Variants in NOX4 observed in about 807,000 individuals in gnomAD.
NOX4 encodes kidney oxidase-1.
In NOX4, 69 loss-of-function variants were observed where a neutral mutation model predicts 87.6. That is an observed-to-expected ratio of 0.79 (90% CI 0.65 to 0.96). NOX4 has a LOEUF of 0.96. Among genes scored for constraint, NOX4 ranks in the 40% least tolerant of loss-of-function variants. The pLI, the probability that NOX4 is intolerant of heterozygous loss-of-function variation, is 0.00. For missense variants in NOX4, 680 were observed against 681.5 expected, an observed-to-expected ratio of 1.00 and a Z score of 0.02; for synonymous variants, 275 against 238.2, an observed-to-expected ratio of 1.15 and a Z score of -1.42.
At chr11:89,359,399 G>A (rs111581384) in intron 12 of NOX4, among the ~76,000 whole-genome samples, 1 of 59,136 alleles carries the variant, frequency 1.7e-5, no homozygotes, top group Non-Finnish European at 3.4e-5. Flanking sequence ...TTTTTTTTTT[G>A]AGATGGAGTC....
At chr11:89,354,617 C>G (rs113556550) in intron 13 of NOX4, among the ~76,000 whole-genome samples, 1 of 152,046 alleles carries the variant, frequency 6.6e-6, no homozygotes, top group Admixed American at 6.6e-5. Context: ...ATTTAAAGGA[C>G]AGTAAATAGA....
intron 2 of NOX4, among the ~76,000 whole-genome samples, chr11:89,462,187 C>G (rs1047364245): frequency 6.6e-6 from 1 of 151,842 alleles, no homozygotes. Flanking sequence ...AACCACAAGA[C>G]ACATGTAAAA....
chr11:89,460,381 G>A (rs147481352), intron 2 of NOX4, among the ~76,000 whole-genome samples: 85 of 151,996 alleles, frequency 5.6e-4, no homozygotes, highest in East Asian at 4.3e-3. Flanking sequence ...GGCAACCTAC[G>A]GAATGGGAGA....
intron 2 of NOX4, among the ~76,000 whole-genome samples, chr11:89,471,619 T>G (rs1272413628): frequency 6.6e-6 from 1 of 152,192 alleles, no homozygotes; most frequent in Non-Finnish European, 1.5e-5. Flanking sequence ...AATAAAAATT[T>G]TGAATATAGT....
intron 11 of NOX4, among the ~76,000 whole-genome samples, chr11:89,380,714 A>G (rs1330091047): frequency 2.6e-5 from 4 of 152,162 alleles, no homozygotes; most frequent in African/African-American, 4.8e-5. Flanking sequence ...AAGCCAAACT[A>G]GAGCAGTTAG....
intron 14 of NOX4, among the ~76,000 whole-genome samples, chr11:89,341,168 A>T (rs1323153082): frequency 7.3e-6 from 1 of 136,890 alleles, no homozygotes; most frequent in African/African-American, 2.8e-5. Context: ...TGTCACCGAG[A>T]CTGGAGTGCA....
At chr11:89,367,007 T>C (rs1334913140) in intron 12 of NOX4, among the ~76,000 whole-genome samples, 2 of 152,234 alleles carry the variant, frequency 1.3e-5, no homozygotes, top group Middle Eastern at 3.4e-3. Context: ...CTCATTTTCC[T>C]GATAAAAAAA....
At chr11:89,421,505 T>C (rs1943082704) in intron 8 of NOX4, among the ~76,000 whole-genome samples, 1 of 152,140 alleles carries the variant, frequency 6.6e-6, no homozygotes, top group Non-Finnish European at 1.5e-5. Flanking sequence ...ACTTTTAAAA[T>C]GAAAAACTGG....
intron 12 of NOX4, among the ~76,000 whole-genome samples, chr11:89,372,943 CAAGTA>C (rs1939554576): frequency 6.6e-6 from 1 of 151,824 alleles, no homozygotes; most frequent in African/African-American, 2.4e-5. Context: ...TTACTGAAGA[CAAGTA>C]AAGTATCACC....
intron 13 of NOX4, among the ~76,000 whole-genome samples, chr11:89,349,006 G>C (rs543684789): frequency 3.9e-5 from 6 of 152,032 alleles, no homozygotes; most frequent in African/African-American, 1.4e-4. Flanking sequence ...AAAATAACTT[G>C]GGCCAGGTAC....
intron 6 of NOX4, among the ~76,000 whole-genome samples, chr11:89,438,789 A>C (rs1944254417): frequency 1.9e-5 from 1 of 52,140 alleles, no homozygotes; most frequent in African/African-American, 1.0e-4. Context: ...AATAATATAT[A>C]GTGTATAATA....
intron 2 of NOX4, among the ~76,000 whole-genome samples, chr11:89,459,455 A>G (rs191901796): frequency 2.0e-5 from 3 of 146,728 alleles, no homozygotes; most frequent in Non-Finnish European, 4.4e-5. Context: ...ATAAAACTTT[A>G]AAAAAAACTC....
At chr11:89,568,256 ATGAAAT>A in the NOX4 span, among the ~76,000 whole-genome samples, 1 of 152,236 alleles carries the variant, frequency 6.6e-6, no homozygotes, top group Middle Eastern at 3.2e-3. Context: ...GCTGAACTGA[ATGAAAT>A]TGAGATTAAA....
chr11:89,361,956 A>G (rs1025074996), intron 12 of NOX4, among the ~76,000 whole-genome samples: 5 of 151,990 alleles, frequency 3.3e-5, no homozygotes, highest in African/African-American at 1.2e-4. Context: ...CCTCTCACAG[A>G]GCAGCTCACA....
chr11:89,564,845 T>C, the NOX4 span, among the ~76,000 whole-genome samples: 3 of 151,974 alleles, frequency 2.0e-5, no homozygotes, highest in South Asian at 4.2e-4. Flanking sequence ...CCAGCATTAA[T>C]AGCCACTCAT....
At chr11:89,380,228 A>G (rs982548664) in intron 11 of NOX4, among the ~76,000 whole-genome samples, 7 of 152,172 alleles carry the variant, frequency 4.6e-5, no homozygotes, top group Admixed American at 4.6e-4. Flanking sequence ...GGGGATGATA[A>G]GGAACAACAA....
At position 89,402,644 on chromosome 11, in the gene NOX4, A is replaced by G. The variant is rs180686385; in HGVS notation, c.630-102T>C. 84 of 861,766 alleles carry G rather than the reference A, an allele frequency of 9.7e-5. No individual in the cohort carries two copies. The African/African-American group carries it at 1.0e-3, about 10-fold the overall frequency. 53.4% of individuals were successfully genotyped at this position (861,766 alleles called of 1,614,324 possible). A position where few individuals can be genotyped will look rare whatever the true frequency, so the allele number is the denominator to read the frequency against. On this transcript the variant is annotated intron_variant, in intron 8 of 17. Coordinates refer to ENST00000263317, the MANE Select transcript of NOX4 (RefSeq NM_016931.5). Reference sequence around the variant, plus strand: ...GTTTTTGTTTTTGTTTTTGTTTGCTAACTTTACACAGCATTTATCCAAAAA... The same window carrying G: ...GTTTTTGTTTTTGTTTTTGTTTGCTGACTTTACACAGCATTTATCCAAAAA...
At chr11:89,468,318 A>G (rs2135435230) in intron 2 of NOX4, among the ~76,000 whole-genome samples, 1 of 152,344 alleles carries the variant, frequency 6.6e-6, no homozygotes, top group South Asian at 2.1e-4. Context: ...TTCCTAAATC[A>G]ATCTTGCTTT....
intron 13 of NOX4, among the ~76,000 whole-genome samples, chr11:89,343,679 G>A (rs952362764): frequency 2.0e-5 from 3 of 152,016 alleles, no homozygotes; most frequent in Non-Finnish European, 4.4e-5. Flanking sequence ...CCCTATCATA[G>A]TACATGTTCT....
Sources: gnomAD v4.1 joint callset for allele counts (sites outside exome capture counted in the v4.1 genomes callset) on GRCh38, gnomAD v4.1.1 for gene constraint, MANE v1.5 for transcripts, NCBI Gene and HGNC (gene_info 2026-07-23, HGNC 2026-07-21) for gene names.